ZNF184: variants seen among roughly 807,000 people sequenced by gnomAD.
ZNF184 encodes the protein zinc finger protein 184 (Kruppel-like).
Under a neutral mutation model 54.4 loss-of-function variants are expected in ZNF184, and 16 were observed. That is an observed-to-expected ratio of 0.29 (90% CI 0.20 to 0.45). The LOEUF (loss-of-function observed/expected upper bound fraction) is 0.45, where lower values mean the gene tolerates loss of function less well. ZNF184 is among the 20% of genes least tolerant of loss of function. The pLI, the probability that ZNF184 is intolerant of heterozygous loss-of-function variation, is 1.00. For missense variants in ZNF184, 681 were observed against 888.2 expected (o/e 0.77, Z 2.97); for synonymous variants, 254 against 295.3 (o/e 0.86, Z 1.43).
In ZNF184 at chr6:27,451,939, A is replaced by C. The variant is rs751710200; in HGVS notation, c.1620T>G (p.Ile540Met). Reference protein sequence around the residue: ...YECKECGKAFIRSSSLAKHER... With the variant: ...YECKECGKAFMRSSSLAKHER... ...CATGCTTAGCAAGAGATGAACTCCG[A>C]ATAAAAGCTTTCCCACATTCTTTAC... The change falls in exon 6 of 6, where the codon ATT becomes ATG. Residue 540 changes from isoleucine to methionine, a missense_variant. Physicochemically the swap from Ile to Met is conservative, Grantham distance 10. Transcript: ENST00000683788. 1 of 1,613,076 alleles carries C rather than the reference A, an allele frequency of 6.2e-7. No individual in the cohort carries two copies. Among genetic ancestry groups the C allele is most frequent in the South Asian group, 1.1e-5 (1 of 91,062 alleles).
chr6:27,415,658 G>C, the ZNF184 span, among the ~76,000 whole-genome samples: 5 of 152,096 alleles, frequency 3.3e-5, no homozygotes, highest in African/African-American at 1.2e-4. Context: ...TACTTCCTTT[G>C]AAATACAGGG....
At chr6:27,466,035 C>T (rs1337535358) in intron 3 of ZNF184, among the ~76,000 whole-genome samples, 1 of 151,988 alleles carries the variant, frequency 6.6e-6, no homozygotes, top group Non-Finnish European at 1.5e-5. Context: ...GGAAATTATT[C>T]TGTATTACAT....
chr6:27,418,940 A>G, the ZNF184 span, among the ~76,000 whole-genome samples: 2 of 152,032 alleles, frequency 1.3e-5, no homozygotes, highest in Non-Finnish European at 2.9e-5. Context: ...AAAAATGTAA[A>G]TCTAGTGTCC....
At chr6:27,438,136 T>C in the ZNF184 span, among the ~76,000 whole-genome samples, 1 of 152,322 alleles carries the variant, frequency 6.6e-6, no homozygotes, top group African/African-American at 2.4e-5. Context: ...ATGTTACCTT[T>C]ACTGGGAAGT....
At chr6:27,444,915 C>T in the ZNF184 span, among the ~76,000 whole-genome samples, 1 of 152,272 alleles carries the variant, frequency 6.6e-6, no homozygotes, top group East Asian at 1.9e-4. Flanking sequence ...GTCTAATAGG[C>T]ATCTAAAACA....
the ZNF184 span, among the ~76,000 whole-genome samples, chr6:27,422,184 G>GAAAGAAAGAAAGA: frequency 3.7e-5 from 1 of 26,704 alleles, no homozygotes; most frequent in Admixed American, 5.0e-4. Flanking sequence ...AAGAAAGAAA[G>GAAAGAAAGAAAGA]AAAGAAAGAA....
the ZNF184 span, among the ~76,000 whole-genome samples, chr6:27,433,997 T>C: frequency 1.6e-4 from 23 of 145,736 alleles, no homozygotes; most frequent in East Asian, 4.4e-4. Flanking sequence ...TTCCTTCCTC[T>C]CTTTTCTTTC....
At chr6:27,457,616 A>T (rs538572160) in intron 3 of ZNF184, among the ~76,000 whole-genome samples, 2 of 152,364 alleles carry the variant, frequency 1.3e-5, no homozygotes, top group South Asian at 4.1e-4. Context: ...TGAAATGCTT[A>T]ATTTAACGTC....
chr6:27,410,639 C>T, the ZNF184 span, among the ~76,000 whole-genome samples: 1 of 152,140 alleles, frequency 6.6e-6, no homozygotes, highest in Non-Finnish European at 1.5e-5. Flanking sequence ...TCAAGTGATT[C>T]TCCCTCCTCA....
At chr6:27,415,522 G>C in the ZNF184 span, among the ~76,000 whole-genome samples, 7,307 of 152,200 alleles carry the variant, frequency 0.048, 252 homozygotes, top group Non-Finnish European at 0.072. Context: ...TATATGAGGA[G>C]AGGAGGTTTT....
chr6:27,465,163 T>TAA (rs747168494), intron 3 of ZNF184, among the ~76,000 whole-genome samples: 7 of 142,280 alleles, frequency 4.9e-5, no homozygotes, highest in African/African-American at 1.9e-4. Context: ...TTCTGTTATT[T>TAA]AAAAAAAAAA....
downstream of ZNF184, among the ~76,000 whole-genome samples, chr6:27,450,002 C>A (rs1436305559): frequency 6.6e-6 from 1 of 152,064 alleles, no homozygotes; most frequent in African/African-American, 2.4e-5. Context: ...TATGTCTGAG[C>A]AAAAGGAGCA....
chr6:27,449,293 C>A (rs140144923), downstream of ZNF184, among the ~76,000 whole-genome samples: 511 of 152,330 alleles, frequency 3.4e-3, 2 homozygotes, highest in Admixed American at 6.0e-3. Flanking sequence ...TAGACAATTC[C>A]TTGCCTCATA....
At position 27,452,532 on chromosome 6, in the gene ZNF184, A is replaced by G; in HGVS notation, c.1027T>C (p.Phe343Leu). The change falls in exon 6 of 6, where the codon TTT (phenylalanine) becomes CTT (leucine). Residue 343 changes from phenylalanine to leucine, a missense_variant. Physicochemically the swap from Phe to Leu is conservative, Grantham distance 22. Coordinates refer to ENST00000683788, the MANE Select transcript of ZNF184 (RefSeq NM_001318891.2). This position sits in a 1 kb window ranked among gnomAD's most constrained non-coding sequence, Gnocchi z 5.5. ...PYTCNECGKA[F>L]SQRGHFMEHQ... is the part of the protein sequence containing the mutation. The stretch of plus-strand genomic sequence containing the variant: ...TCCATAAAGTGGCCTCTCTGGCTAA[A>G]GGCTTTTCCACACTCATTACAAGTG... 6.2e-7 allele frequency: 1 copy of G among 1,614,134 alleles called. No individual in the cohort carries two copies. The highest frequency in any genetic ancestry group is 8.5e-7 in the Non-Finnish European group (1 of 1,180,028).
At chr6:27,459,911 T>C (rs1762955844) in intron 3 of ZNF184, among the ~76,000 whole-genome samples, 1 of 152,108 alleles carries the variant, frequency 6.6e-6, no homozygotes, top group Non-Finnish European at 1.5e-5. Context: ...ACCTGCAATC[T>C]CAACACTGTG....
At chr6:27,433,895 CCTTT>C in the ZNF184 span, among the ~76,000 whole-genome samples, 35 of 138,900 alleles carry the variant, frequency 2.5e-4, no homozygotes, top group Middle Eastern at 4.0e-3. Flanking sequence ...TTCCTTCCTT[CCTTT>C]CTTTCTCTTT....
the ZNF184 span, among the ~76,000 whole-genome samples, chr6:27,426,284 C>T: frequency 2.0e-5 from 3 of 152,216 alleles, no homozygotes; most frequent in Non-Finnish European, 2.9e-5. This position sits in a 1 kb window ranked among gnomAD's most constrained non-coding sequence, Gnocchi z 4.2. Context: ...AGCAAACATT[C>T]GCTTTTTATT....
the ZNF184 span, among the ~76,000 whole-genome samples, chr6:27,424,074 TTG>T: frequency 6.6e-6 from 1 of 152,174 alleles, no homozygotes; most frequent in East Asian, 1.9e-4. Context: ...CGCCTGGAGT[TTG>T]TTCCTTTTGA....
chr6:27,441,327 C>T, the ZNF184 span, among the ~76,000 whole-genome samples: 4 of 152,094 alleles, frequency 2.6e-5, no homozygotes, highest in African/African-American at 9.7e-5. Flanking sequence ...GCAATCTGCC[C>T]GCCTCAGCCT....
Sources: allele counts gnomAD v4.1 joint callset (sites outside exome capture counted in the v4.1 genomes callset), GRCh38; gene constraint gnomAD v4.1.1; non-coding constraint Gnocchi (gnomAD v3.1); transcripts MANE v1.5; gene names NCBI Gene and HGNC (gene_info 2026-07-23, HGNC 2026-07-21).